The following KHDC1 variants were observed in gnomAD, a reference collection of about 807,000 sequenced individuals.
KHDC1 encodes the protein KH domain containing 1.
A neutral mutation model predicts 24.7 loss-of-function variants in KHDC1; 21 were observed. That is an observed-to-expected ratio of 0.85 (90% CI 0.60 to 1.23). KHDC1 has a LOEUF of 1.23. Ranked by LOEUF, KHDC1 falls within the 50% of genes most tolerant of loss-of-function variation. The probability of loss-of-function intolerance (pLI) is 0.00; values close to 1 mark genes in which losing one functional copy is unlikely to be tolerated. For missense variants in KHDC1, 274 were observed against 298.5 expected, an observed-to-expected ratio of 0.92 and a Z score of 0.61; for synonymous variants, 98 against 111.7, an observed-to-expected ratio of 0.88 and a Z score of 0.77.
At chr6:73,269,236 TTCCCGCTCGCGCCTC>T (rs2150596222) in intron 2 of KHDC1, 1 of 152,820 alleles carries the variant, frequency 6.5e-6, no homozygotes, top group South Asian at 2.1e-4. Flanking sequence ...ACAGCCCCGG[TTCCCGCTCGCGCCTC>T]TCCCTCCACA....
chr6:73,291,986 C>T (rs766326250), intron 2 of KHDC1: 24 of 1,613,724 alleles, frequency 1.5e-5, no homozygotes, highest in African/African-American at 2.7e-5. Context: ...CTTAACTACT[C>T]GCATCACGCA....
intron 2 of KHDC1, chr6:73,268,858 C>T (rs571889577): frequency 1.3e-4 from 20 of 153,828 alleles, no homozygotes; most frequent in East Asian, 1.2e-3. Context: ...CTGCCAGTCC[C>T]GCGCCCTGCG....
At chr6:73,245,192 G>A (rs1766644322) in intron 2 of KHDC1, among the ~76,000 whole-genome samples, 1 of 152,164 alleles carries the variant, frequency 6.6e-6, no homozygotes. Context: ...TCTACTTGGT[G>A]TCAGCAGCTT....
intron 2 of KHDC1, among the ~76,000 whole-genome samples, chr6:73,245,303 T>C (rs777901948): frequency 1.3e-5 from 2 of 152,208 alleles, no homozygotes; most frequent in Non-Finnish European, 1.5e-5. Context: ...TTCCTTTCCA[T>C]TGAGGACAAG....
intron 2 of KHDC1, among the ~76,000 whole-genome samples, chr6:73,248,056 A>G (rs772986217): frequency 6.6e-5 from 10 of 152,024 alleles, no homozygotes; most frequent in Non-Finnish European, 1.5e-4. Flanking sequence ...GTGGAGAGAA[A>G]TGTGAATGCC....
At chr6:73,291,393 G>C (rs1767648207) in intron 2 of KHDC1, 1 of 182,856 alleles carries the variant, frequency 5.5e-6, no homozygotes, top group Admixed American at 5.6e-5. Flanking sequence ...ACTTTAACAT[G>C]AATGTTATTA....
chr6:73,284,161 A>G (rs925277462), intron 2 of KHDC1, among the ~76,000 whole-genome samples: 4 of 152,170 alleles, frequency 2.6e-5, no homozygotes, highest in African/African-American at 9.7e-5. Context: ...ATGAAAACCC[A>G]CAATATTAGG....
chr6:73,247,855 C>CAAAAAAA (rs60650206), intron 2 of KHDC1, among the ~76,000 whole-genome samples: 1 of 89,554 alleles, frequency 1.1e-5, no homozygotes, highest in African/African-American at 4.0e-5. Context: ...GACTCTGTCT[C>CAAAAAAA]AAAAAAAAAA....
chr6:73,294,123 A>G (rs199714193), intron 1 of KHDC1, among the ~76,000 whole-genome samples: 10,517 of 152,126 alleles, frequency 0.069, 376 homozygotes, highest in East Asian at 0.13. Flanking sequence ...CTCGAGACAA[A>G]ACAAAAAGTC....
intron 1 of KHDC1, among the ~76,000 whole-genome samples, chr6:73,303,354 A>C (rs1468740603): frequency 6.6e-6 from 1 of 152,104 alleles, no homozygotes; most frequent in Non-Finnish European, 1.5e-5. Flanking sequence ...AGAGAGAGAG[A>C]AAATCACCAC....
chr6:73,300,123 C>T (rs75504871), intron 1 of KHDC1: 6,345 of 152,502 alleles, frequency 0.042, 144 homozygotes, highest in Middle Eastern at 0.065. Flanking sequence ...TTGAAGGACC[C>T]GACCAGAGCC....
intron 2 of KHDC1, among the ~76,000 whole-genome samples, chr6:73,286,218 G>A (rs73757033): frequency 0.011 from 1,613 of 152,110 alleles, 35 homozygotes; most frequent in African/African-American, 0.037. Flanking sequence ...GGATTCACTC[G>A]TTTGTGTGGG....
intron 2 of KHDC1, chr6:73,290,683 G>A: frequency 2.2e-6 from 1 of 459,594 alleles, no homozygotes; most frequent in Non-Finnish European, 4.3e-6. Flanking sequence ...GTTTGCTGCT[G>A]CTGCTGGAGC....
chr6:73,295,363 AC>A (rs1376564473), intron 1 of KHDC1, among the ~76,000 whole-genome samples: 1 of 152,172 alleles, frequency 6.6e-6, no homozygotes, highest in Non-Finnish European at 1.5e-5. Context: ...ATTATAAATT[AC>A]CCAATCTCAG....
chr6:73,243,897 G>T (rs2150549994), intron 2 of KHDC1, among the ~76,000 whole-genome samples: 1 of 152,278 alleles, frequency 6.6e-6, no homozygotes, highest in African/African-American at 2.4e-5. Flanking sequence ...CTCCAGAAAA[G>T]AAATAGTGTC....
At chr6:73,256,165 T>C (rs747702239) in intron 2 of KHDC1, among the ~76,000 whole-genome samples, 1 of 152,194 alleles carries the variant, frequency 6.6e-6, no homozygotes, top group Non-Finnish European at 1.5e-5. Flanking sequence ...CCTTTTTTAT[T>C]CAATATTAGA....
At chr6:73,245,315 G>A (rs1237190809) in intron 2 of KHDC1, among the ~76,000 whole-genome samples, 1 of 152,134 alleles carries the variant, frequency 6.6e-6, no homozygotes, top group Admixed American at 6.5e-5. Context: ...GAGGACAAGG[G>A]TAGTTTTTCC....
intron 2 of KHDC1, among the ~76,000 whole-genome samples, chr6:73,243,254 G>A (rs945493577): frequency 6.6e-6 from 1 of 152,158 alleles, no homozygotes; most frequent in Non-Finnish European, 1.5e-5. Context: ...GAGCAACCTT[G>A]ACTGGTTAAA....
At chr6:73,269,789 A>T (rs1249809374) in intron 2 of KHDC1, 1 of 151,718 alleles carries the variant, frequency 6.6e-6, no homozygotes, top group South Asian at 2.1e-4. Flanking sequence ...GTTGTTGGAG[A>T]CAGAGCCTCA....
Sources: allele counts gnomAD v4.1 joint callset (sites outside exome capture counted in the v4.1 genomes callset), GRCh38; gene constraint gnomAD v4.1.1; transcripts MANE v1.5; gene names NCBI Gene and HGNC (gene_info 2026-07-23, HGNC 2026-07-21).